Variants in NRXN1 observed in about 807,000 individuals in gnomAD.
NRXN1 encodes the protein neurexin-1.
NRXN1 carries 39 observed loss-of-function variants against 150.9 expected under a neutral mutation model. That is an observed-to-expected ratio of 0.26 (90% CI 0.20 to 0.34). NRXN1 has a LOEUF of 0.34. NRXN1 is among the 10% of genes least tolerant of loss of function. The pLI is 1.00. For synonymous variants in NRXN1, 924 were observed against 757.0 expected (o/e 1.22, Z -3.62); for missense variants, 1,815 against 1,949.9 (o/e 0.93, Z 1.30).
At chr2:50,965,822 A>AT (rs970296429) in intron 2 of NRXN1, among the ~76,000 whole-genome samples, 3 of 151,554 alleles carry the variant, frequency 2.0e-5, no homozygotes, top group African/African-American at 7.2e-5. Flanking sequence ...TAAGAATGTG[A>AT]TTTTCTAGTT....
At chr2:50,768,247 T>A (rs1396750116) in intron 5 of NRXN1, among the ~76,000 whole-genome samples, 1 of 152,092 alleles carries the variant, frequency 6.6e-6, no homozygotes, top group African/African-American at 2.4e-5. Context: ...TGTGGGATAT[T>A]TTAATGAAAA....
Position 50,376,855 on chromosome 2 carries a change from G to C in NRXN1, c.3364+88587C>G, listed in dbSNP as rs546629215. The stretch of plus-strand genomic sequence containing the variant: ...CTTGATTTATAGATAAGGCAGGTTA[G>C]TCTTAGAAAGAGGAACCGGTTCTTT... On this transcript the variant is annotated intron_variant, in intron 17 of 22. Coordinates refer to ENST00000401669, the MANE Select transcript of NRXN1 (RefSeq NM_001330078.2). Among the ~76,000 whole-genome samples the C allele has an allele frequency of 2.0e-3, 297 of 152,206 alleles. 2 individuals are homozygous for C. Among genetic ancestry groups the C allele is most frequent in the African/African-American group, 6.9e-3 (285 of 41,548 alleles).
intron 5 of NRXN1, among the ~76,000 whole-genome samples, chr2:50,882,038 C>T (rs555365493): frequency 1.5e-4 from 23 of 151,844 alleles, no homozygotes; most frequent in African/African-American, 5.3e-4. Context: ...TTGCAAATAA[C>T]TACTTTTCAA....
At chr2:51,020,694 T>A (rs1669468971) in intron 2 of NRXN1, among the ~76,000 whole-genome samples, 3 of 152,032 alleles carry the variant, frequency 2.0e-5, no homozygotes, top group Admixed American at 2.0e-4. Context: ...GGTTTCCCAA[T>A]TCGCAACCTT....
chr2:50,639,223 T>TTTCTTTCTTTC lies in NRXN1; in HGVS notation c.833-15609_833-15608insGAAAGAAAGAA, dbSNP rs34532583. On this transcript the variant is annotated intron_variant, in intron 5 of 22. Transcript: ENST00000401669. Reference sequence around the variant, plus strand: ...ATTTTTTTCTTTCTTTCTTTCTTTCTTTTTTTTTTTTTTTTGAGACAGATT... The same window carrying TTTCTTTCTTTC: ...ATTTTTTTCTTTCTTTCTTTCTTTCTTTCTTTCTTTCTTTTTTTTTTTTTTTGAGACAGATT... 5.3e-3 allele frequency among the ~76,000 whole-genome samples: 585 copies of TTTCTTTCTTTC among 110,314 alleles called. 3 individuals are homozygous for TTTCTTTCTTTC. Among genetic ancestry groups the TTTCTTTCTTTC allele is most frequent in the African/African-American group, 0.02 (501 of 25,498 alleles). 72.4% of individuals were successfully genotyped at this position (110,314 alleles called of 152,430 possible). A position where few individuals can be genotyped will look rare whatever the true frequency, so the allele number is the denominator to read the frequency against.
chr2:50,367,185 C>T (rs907811700), intron 17 of NRXN1, among the ~76,000 whole-genome samples: 1 of 151,830 alleles, frequency 6.6e-6, no homozygotes, highest in Non-Finnish European at 1.5e-5. Context: ...AGGCTATCCT[C>T]GTCTCTTGAA....
At chr2:50,059,845 G>A (rs1694237870) in intron 19 of NRXN1, among the ~76,000 whole-genome samples, 1 of 152,196 alleles carries the variant, frequency 6.6e-6, no homozygotes, top group Non-Finnish European at 1.5e-5. Flanking sequence ...GTCAAGTATT[G>A]AGGTTTGGAA....
chr2:50,839,369 A>T (rs1255318607), intron 5 of NRXN1, among the ~76,000 whole-genome samples: 1 of 152,164 alleles, frequency 6.6e-6, no homozygotes, highest in African/African-American at 2.4e-5. Context: ...AGGAAAAGGA[A>T]AGTGTCATAA....
At chr2:50,206,093 G>A (rs1044877332) in intron 18 of NRXN1, among the ~76,000 whole-genome samples, 1 of 151,940 alleles carries the variant, frequency 6.6e-6, no homozygotes, top group Admixed American at 6.6e-5. Flanking sequence ...TAAAACAAAT[G>A]AAAAGTTCAC....
intron 8 of NRXN1, among the ~76,000 whole-genome samples, chr2:50,581,148 C>T (rs1306836213): frequency 6.6e-6 from 1 of 152,128 alleles, no homozygotes; most frequent in Non-Finnish European, 1.5e-5. Context: ...CAGAAGTTCC[C>T]TAAGGACAGT....
intron 2 of NRXN1, among the ~76,000 whole-genome samples, chr2:50,970,788 T>G (rs995156911): frequency 2.0e-5 from 3 of 151,998 alleles, no homozygotes; most frequent in Non-Finnish European, 4.4e-5. Context: ...ATCTTTGCGG[T>G]TTTTGCTACT....
intron 21 of NRXN1, among the ~76,000 whole-genome samples, chr2:49,998,414 T>C (rs889709940): frequency 6.6e-6 from 1 of 152,194 alleles, no homozygotes; most frequent in Non-Finnish European, 1.5e-5. Flanking sequence ...CCCTTCAAGA[T>C]AGGGAGGATA....
At chr2:50,927,777 T>C (rs904792984) in intron 2 of NRXN1, among the ~76,000 whole-genome samples, 13 of 152,070 alleles carry the variant, frequency 8.5e-5, no homozygotes, top group African/African-American at 3.1e-4. Context: ...AGTATGTCAA[T>C]TGCTACAGCA....
At chr2:49,948,636 G>C (rs1038387554) in intron 21 of NRXN1, among the ~76,000 whole-genome samples, 2 of 151,858 alleles carry the variant, frequency 1.3e-5, no homozygotes, top group African/African-American at 4.8e-5. Context: ...CACTTTAGAA[G>C]CTGAATTAAC....
At chr2:50,119,025 C>T (rs1288243385) in intron 18 of NRXN1, among the ~76,000 whole-genome samples, 1 of 149,660 alleles carries the variant, frequency 6.7e-6, no homozygotes, top group Non-Finnish European at 1.5e-5. Flanking sequence ...TAAAGCTTTA[C>T]ATTTACATTG....
intron 18 of NRXN1, among the ~76,000 whole-genome samples, chr2:50,200,039 T>C (rs978194136): frequency 6.6e-6 from 1 of 152,198 alleles, no homozygotes; most frequent in Non-Finnish European, 1.5e-5. Context: ...GTTACTATGC[T>C]GCTGGATGCA....
intron 8 of NRXN1, among the ~76,000 whole-genome samples, chr2:50,593,030 CCT>C (rs1018847264): frequency 9.9e-5 from 15 of 152,210 alleles, no homozygotes; most frequent in Admixed American, 4.6e-4. Context: ...GCCAAATGAA[CCT>C]CTCTTTCCTC....
At chr2:50,181,867 C>A (rs548083326) in intron 18 of NRXN1, among the ~76,000 whole-genome samples, 1 of 151,942 alleles carries the variant, frequency 6.6e-6, no homozygotes, top group Non-Finnish European at 1.5e-5. Flanking sequence ...GTTGTATGAA[C>A]GTTTTTGTGA....
At chr2:50,535,812 T>C (rs923646670) in intron 10 of NRXN1, among the ~76,000 whole-genome samples, 5 of 152,160 alleles carry the variant, frequency 3.3e-5, no homozygotes, top group Admixed American at 6.5e-5. Context: ...TATAATGCAA[T>C]TGCAACATAA....
Sources: gnomAD v4.1 joint callset for allele counts (sites outside exome capture counted in the v4.1 genomes callset) on GRCh38, gnomAD v4.1.1 for gene constraint, MANE v1.5 for transcripts, NCBI Gene and HGNC (gene_info 2026-07-23, HGNC 2026-07-21) for gene names.